The following TAF4B variants were observed in gnomAD, a reference collection of about 807,000 sequenced individuals.
TAF4B encodes transcription initiation factor TFIID subunit 4B.
A neutral mutation model predicts 86.4 loss-of-function variants in TAF4B; 38 were observed. The ratio of observed to expected loss-of-function variants is 0.44; its 90% CI spans 0.34 to 0.58. TAF4B has a LOEUF of 0.58. Ranked by LOEUF, TAF4B falls within the 20% of genes least tolerant of loss-of-function variation. The pLI is 0.02. For missense variants in TAF4B, 988 were observed against 1,027.6 expected (o/e 0.96, Z 0.53); for synonymous variants, 388 against 391.2 (o/e 0.99, Z 0.10).
intron 14 of TAF4B, among the ~76,000 whole-genome samples, chr18:26,385,679 G>GTTTTTTTTTTTT (rs34188640): frequency 2.7e-5 from 3 of 109,786 alleles, no homozygotes; most frequent in Non-Finnish European, 2.0e-5. Flanking sequence ...AATAAACAGC[G>GTTTTTTTTTTTT]TTTTTTTTTT....
chr18:26,329,216 C>G (rs1429425666), intron 12 of TAF4B, among the ~76,000 whole-genome samples: 3 of 152,076 alleles, frequency 2.0e-5, no homozygotes, highest in Non-Finnish European at 4.4e-5. Flanking sequence ...CACCACTACG[C>G]CTGGCTAAAT....
Position 26,253,289 on chromosome 18 carries a change from G to T in TAF4B, c.344-11881G>T, listed in dbSNP as rs75531981. Among the ~76,000 whole-genome samples, 707 of 152,188 alleles carry T rather than the reference G, an allele frequency of 4.6e-3. 5 individuals carry two copies. The highest frequency in any genetic ancestry group is 7.9e-3 in the Non-Finnish European group (535 of 67,998). Reference sequence around the variant, plus strand: ...TTGGGTCTTTTTATCTGAAAGAAAGGCTTGTTGAATTTTGTCAAATGCTTG... The same window carrying T: ...TTGGGTCTTTTTATCTGAAAGAAAGTCTTGTTGAATTTTGTCAAATGCTTG... On this transcript the variant is annotated intron_variant, in intron 1 of 14. Transcript: ENST00000269142.
intron 1 of TAF4B, among the ~76,000 whole-genome samples, chr18:26,252,031 A>G (rs924338937): frequency 6.6e-6 from 1 of 152,144 alleles, no homozygotes; most frequent in African/African-American, 2.4e-5. Context: ...CCTCTCACAT[A>G]TATTGTCTCA....
rs1033619696 is a variant in TAF4B at position 26,327,635 on chromosome 18, A to G, written c.2259+495A>G. 7.2e-5 allele frequency among the ~76,000 whole-genome samples: 11 copies of G among 152,326 alleles called. No homozygotes were observed. In the South Asian group the frequency reaches 2.3e-3, roughly 32 times the overall value. On this transcript the variant is annotated intron_variant, in intron 12 of 14. Coordinates refer to ENST00000269142, the MANE Select transcript of TAF4B (RefSeq NM_005640.3). Reference sequence around the variant, plus strand: ...ACCCAGGCTGGAATGCAGTGGCATGATCTCGGCTTACTGCAACCTCTGCCT... The same window carrying G: ...ACCCAGGCTGGAATGCAGTGGCATGGTCTCGGCTTACTGCAACCTCTGCCT...
intron 13 of TAF4B, among the ~76,000 whole-genome samples, chr18:26,337,459 T>C (rs1224877776): frequency 6.8e-6 from 1 of 146,666 alleles, no homozygotes; most frequent in Non-Finnish European, 1.5e-5. Context: ...AGTCTCACTC[T>C]GTCGCCCAGG....
chr18:26,390,036 C>G lies in TAF4B; in HGVS notation c.*24C>G. Reference sequence around the variant, plus strand: ...GACCACTCCACTCTTCCATCCAGATCCTTGCTATTTACTGCCAAAGAAGAC... The same window carrying G: ...GACCACTCCACTCTTCCATCCAGATGCTTGCTATTTACTGCCAAAGAAGAC... On this transcript the variant is annotated 3_prime_UTR_variant, in exon 15 of 15. Transcript: ENST00000269142. 2 of 1,601,510 alleles carry G rather than the reference C, an allele frequency of 1.2e-6. No homozygotes were observed. The highest frequency in any genetic ancestry group is 1.1e-5 in the South Asian group (1 of 88,456).
chr18:26,388,929 A>G (rs1978538820), intron 14 of TAF4B, among the ~76,000 whole-genome samples: 1 of 152,072 alleles, frequency 6.6e-6, no homozygotes, highest in Non-Finnish European at 1.5e-5. Flanking sequence ...CTCCTGCCTT[A>G]GCCTCCCTGG....
chr18:26,356,254 A>G (rs1421782921), intron 13 of TAF4B, among the ~76,000 whole-genome samples: 1 of 152,104 alleles, frequency 6.6e-6, no homozygotes, highest in Non-Finnish European at 1.5e-5. Context: ...TCATGACTTA[A>G]TCACCTCCCA....
At chr18:26,341,562 T>C (rs1385721312) in intron 13 of TAF4B, among the ~76,000 whole-genome samples, 1 of 152,168 alleles carries the variant, frequency 6.6e-6, no homozygotes, top group Non-Finnish European at 1.5e-5. Flanking sequence ...ATGAGGAATA[T>C]ACCATTTTTT....
chr18:26,371,127 CAG>C (rs889339010), intron 14 of TAF4B, among the ~76,000 whole-genome samples: 10 of 151,692 alleles, frequency 6.6e-5, no homozygotes, highest in Admixed American at 2.6e-4. Flanking sequence ...GTGAACAAAA[CAG>C]AATGTTAAAA....
chr18:26,315,452 A>T, intron 10 of TAF4B, 54 bp downstream of exon 10: 1 of 1,408,180 alleles, frequency 7.1e-7, no homozygotes, highest in Non-Finnish European at 9.5e-7. Context: ...TTGAGGGAAA[A>T]TATTATCAAA....
chr18:26,338,302 AGCTGAGTGT>A (rs1313228803), intron 13 of TAF4B, among the ~76,000 whole-genome samples: 1 of 151,702 alleles, frequency 6.6e-6, no homozygotes, highest in African/African-American at 2.4e-5. Flanking sequence ...ACAAAAAATT[AGCTGAGTGT>A]GGTGGTGCAC....
At chr18:26,315,969 A>G (rs933207146) in intron 10 of TAF4B, among the ~76,000 whole-genome samples, 1 of 152,116 alleles carries the variant, frequency 6.6e-6, no homozygotes, top group African/African-American at 2.4e-5. Context: ...TTCGAAGGCC[A>G]AGGTGGGCAG....
At chr18:26,251,376 A>G (rs373611298) in intron 1 of TAF4B, among the ~76,000 whole-genome samples, 18 of 152,242 alleles carry the variant, frequency 1.2e-4, no homozygotes, top group African/African-American at 3.6e-4. Context: ...AGGATCTGCT[A>G]TTTTTTCAGG....
At chr18:26,377,628 T>C (rs1028573520) in intron 14 of TAF4B, among the ~76,000 whole-genome samples, 3 of 152,248 alleles carry the variant, frequency 2.0e-5, no homozygotes, top group African/African-American at 7.2e-5. Flanking sequence ...CTACTACTCT[T>C]CTGGCACAAA....
chr18:26,323,686 A>G (rs2056981356), intron 11 of TAF4B, among the ~76,000 whole-genome samples: 1 of 152,172 alleles, frequency 6.6e-6, no homozygotes, highest in Non-Finnish European at 1.5e-5. Context: ...TTATCAATAT[A>G]TAATAATGTC....
intron 13 of TAF4B, among the ~76,000 whole-genome samples, chr18:26,346,845 G>C: frequency 7.2e-5 from 1 of 13,964 alleles, no homozygotes; most frequent in African/African-American, 1.4e-4. Context: ...ATGTGTGTGT[G>C]TATATATATA....
At chr18:26,366,033 C>T (rs889410777) in intron 14 of TAF4B, among the ~76,000 whole-genome samples, 20 of 152,216 alleles carry the variant, frequency 1.3e-4, no homozygotes, top group Non-Finnish European at 2.2e-4. Context: ...TCAGGTGATC[C>T]GCTGCCTCGG....
At chr18:26,249,837 C>T (rs60380194) in intron 1 of TAF4B, among the ~76,000 whole-genome samples, 11,343 of 152,166 alleles carry the variant, frequency 0.075, 812 homozygotes, top group African/African-American at 0.17. Context: ...ATTCTCCTGC[C>T]CCAGCCTCCT....
Sources: allele counts gnomAD v4.1 joint callset (sites outside exome capture counted in the v4.1 genomes callset), GRCh38; gene constraint gnomAD v4.1.1; transcripts MANE v1.5; gene names NCBI Gene and HGNC (gene_info 2026-07-23, HGNC 2026-07-21).